Variants in NFIA observed in about 807,000 individuals in gnomAD.
NFIA encodes nuclear factor I A.
In NFIA, 8 loss-of-function variants were observed where a neutral mutation model predicts 62.8. That is an observed-to-expected ratio of 0.13 (90% CI 0.07 to 0.23). NFIA has a LOEUF of 0.23. NFIA is among the 10% of genes least tolerant of loss of function. NFIA has a pLI of 1.00. For missense variants in NFIA, 410 were observed against 642.1 expected, an observed-to-expected ratio of 0.64 and a Z score of 3.91; for synonymous variants, 235 against 238.1, an observed-to-expected ratio of 0.99 and a Z score of 0.12.
At chr1:61,081,666 A>T (rs1473529432), upstream of NFIA, 14 of 498,696 alleles carry the variant, frequency 2.8e-5, no homozygotes, top group Non-Finnish European at 5.1e-5. Flanking sequence ...TGGGAGGGAT[A>T]ACGCTCATTA....
At chr1:61,393,196 C>T (rs933298273) in intron 7 of NFIA, among the ~76,000 whole-genome samples, 1 of 56,510 alleles carries the variant, frequency 1.8e-5, no homozygotes, top group African/African-American at 1.7e-4. Context: ...CAAGATTGAA[C>T]TTGTATCTCC....
chr1:61,448,825 A>G (rs1667939137), intron 10 of NFIA, among the ~76,000 whole-genome samples: 1 of 152,220 alleles, frequency 6.6e-6, no homozygotes, highest in Non-Finnish European at 1.5e-5. Context: ...GGAGACCAAA[A>G]GAAAAATGTA....
At chr1:61,246,056 CCA>C (rs1172343205) in intron 2 of NFIA, among the ~76,000 whole-genome samples, 1 of 152,170 alleles carries the variant, frequency 6.6e-6, no homozygotes, top group East Asian at 1.9e-4. Context: ...TAATTAAAAA[CCA>C]CTATTTTCTA....
Position 61,403,410 on chromosome 1 carries a change from G to A in NFIA, c.1076-694G>A, listed in dbSNP as rs530981765. 4.6e-5 allele frequency among the ~76,000 whole-genome samples: 7 copies of A among 152,300 alleles called. No homozygotes were observed. The South Asian group carries it at 1.0e-3, about 23-fold the overall frequency. On this transcript the variant is annotated intron_variant, in intron 7 of 10. Coordinates refer to ENST00000403491, the MANE Select transcript of NFIA (RefSeq NM_001134673.4). ...ATGTAAGGGAGCAGTAGTTGTCTGAGTCTTTTATCAGTTTTTATGGGCACA... is the reference window on the plus strand; with the variant it reads ...ATGTAAGGGAGCAGTAGTTGTCTGAATCTTTTATCAGTTTTTATGGGCACA...
At chr1:61,383,508 G>A in intron 7 of NFIA, 143 bp downstream of exon 7, 1 of 1,079,376 alleles carries the variant, frequency 9.3e-7, no homozygotes, top group East Asian at 2.7e-5. Flanking sequence ...GGGCAGCCTT[G>A]GAATTTTAGA....
intron 6 of NFIA, among the ~76,000 whole-genome samples, chr1:61,382,348 C>T (rs1000324886): frequency 5.3e-5 from 8 of 152,068 alleles, no homozygotes; most frequent in Non-Finnish European, 1.5e-5. Context: ...AAACTTTAGA[C>T]ACAATAATAA....
chr1:61,432,389 C>G (rs991784006), intron 10 of NFIA, among the ~76,000 whole-genome samples: 1 of 151,978 alleles, frequency 6.6e-6, no homozygotes, highest in Non-Finnish European at 1.5e-5. Context: ...AACACCTCCT[C>G]CTGGTGGTAC....
At chr1:61,430,515 T>C (rs1667055624) in intron 10 of NFIA, among the ~76,000 whole-genome samples, 1 of 152,214 alleles carries the variant, frequency 6.6e-6, no homozygotes, top group African/African-American at 2.4e-5. Context: ...CTTAACAATA[T>C]ATTATGGCCT....
intron 2 of NFIA, among the ~76,000 whole-genome samples, chr1:61,095,207 G>A (rs1646389450): frequency 6.6e-6 from 1 of 152,190 alleles, no homozygotes; most frequent in Admixed American, 6.5e-5. Flanking sequence ...TGGGAGTAGA[G>A]AAAAGGAGAT....
chr1:61,197,596 A>C (rs973511384), intron 2 of NFIA, among the ~76,000 whole-genome samples: 2 of 152,128 alleles, frequency 1.3e-5, no homozygotes, highest in Non-Finnish European at 2.9e-5. Context: ...TAGATAAAGA[A>C]GGATTCAAAT....
intron 2 of NFIA, chr1:61,253,513 A>G (rs1428139806): frequency 5.3e-5 from 8 of 152,294 alleles, no homozygotes; most frequent in Admixed American, 2.0e-4. Context: ...TGAGCTTCTC[A>G]TGGCCCCTCC....
intron 9 of NFIA, among the ~76,000 whole-genome samples, chr1:61,417,501 C>G (rs879891627): frequency 2.6e-5 from 4 of 151,644 alleles, no homozygotes; most frequent in Non-Finnish European, 5.9e-5. Context: ...GTCCCCAACT[C>G]TAATAATTTT....
At chr1:61,175,746 T>C (rs573896770) in intron 2 of NFIA, among the ~76,000 whole-genome samples, 1 of 152,340 alleles carries the variant, frequency 6.6e-6, no homozygotes, top group African/African-American at 2.4e-5. Flanking sequence ...TACATCTTCA[T>C]GTGGTTGCCT....
chr1:61,083,877 C>T (rs953583625), intron 1 of NFIA, among the ~76,000 whole-genome samples: 4 of 152,102 alleles, frequency 2.6e-5, no homozygotes, highest in South Asian at 4.1e-4. Context: ...TTGCGCCCCA[C>T]CGCCTCTCCT....
intron 2 of NFIA, among the ~76,000 whole-genome samples, chr1:61,257,885 C>CTTTTTTTTTT (rs58230415): frequency 1.7e-5 from 2 of 115,434 alleles, no homozygotes; most frequent in African/African-American, 6.8e-5. Context: ...TTCTTTTTTT[C>CTTTTTTTTTT]TTTTTTTTTT....
At chr1:61,085,173 A>G (rs1057367081) in intron 1 of NFIA, among the ~76,000 whole-genome samples, 1 of 152,138 alleles carries the variant, frequency 6.6e-6, no homozygotes, top group African/African-American at 2.4e-5. Flanking sequence ...ATGAAACTCC[A>G]TTTAACTTGT....
intron 3 of NFIA, among the ~76,000 whole-genome samples, chr1:61,299,369 C>G (rs1659370053): frequency 6.6e-6 from 1 of 152,176 alleles, no homozygotes; most frequent in Non-Finnish European, 1.5e-5. Context: ...TTAGGCTATA[C>G]AGAAGAGAGC....
At chr1:61,200,885 AT>A (rs1652435038) in intron 2 of NFIA, among the ~76,000 whole-genome samples, 1 of 152,194 alleles carries the variant, frequency 6.6e-6, no homozygotes, top group African/African-American at 2.4e-5. Flanking sequence ...GGCTTCTGTT[AT>A]GGCTGTAGAC....
chr1:61,130,233 G>A (rs1647050537), intron 2 of NFIA, among the ~76,000 whole-genome samples: 1 of 152,038 alleles, frequency 6.6e-6, no homozygotes, highest in Admixed American at 6.6e-5. Context: ...CCAGTTGTCT[G>A]GGGTTTACAT....
Sources: allele counts gnomAD v4.1 joint callset (sites outside exome capture counted in the v4.1 genomes callset), GRCh38; gene constraint gnomAD v4.1.1; transcripts MANE v1.5; gene names NCBI Gene and HGNC (gene_info 2026-07-23, HGNC 2026-07-21).